Variants in NR1H2 observed in about 807,000 individuals in gnomAD.
NR1H2 encodes nuclear receptor subfamily 1 group H member 2.
NR1H2 carries 33 observed loss-of-function variants against 51.2 expected under a neutral mutation model. That is an observed-to-expected ratio of 0.64 (90% CI 0.49 to 0.86). The LOEUF (loss-of-function observed/expected upper bound fraction) is 0.86, where lower values mean the gene tolerates loss of function less well. Ranked by LOEUF, NR1H2 falls within the 40% of genes least tolerant of loss-of-function variation. NR1H2 has a pLI of 0.00. For synonymous variants in NR1H2, 310 were observed against 264.3 expected (o/e 1.17, Z -1.68); for missense variants, 592 against 639.9 (o/e 0.93, Z 0.81).
Position 50,378,800 on chromosome 19 carries a change from C to G in NR1H2, c.747+4C>G. The G allele has an allele frequency of 2.5e-6, 4 of 1,611,644 alleles. No homozygotes were observed. The South Asian group carries it at 4.4e-5, about 18-fold the overall frequency. On this transcript the variant is annotated splice_donor_region_variant and intron_variant, in intron 6 of 9. Coordinates refer to ENST00000253727, the MANE Select transcript of NR1H2 (RefSeq NM_007121.7). ...CTCCGACCAGCCCAAAGTCACGGTACTGCCCCCTCCACAACCTTGAGTGTG... is the reference window on the plus strand; with the variant it reads ...CTCCGACCAGCCCAAAGTCACGGTAGTGCCCCCTCCACAACCTTGAGTGTG...
Position 50,378,602 on chromosome 19 carries a change from G to A in NR1H2, c.553G>A (p.Val185Met), listed in dbSNP as rs1568594599. ...GTCACAGTCACAGTCGCAGTCACCT[G>A]TGGGGCCGCAGGGCAGCAGCAGCTC... ...QESQSQSQSP[V>M]GPQGSSSSAS... Residue 185 changes from valine (V) to methionine (M), a missense_variant, in exon 6 of 10, where the codon GTG becomes ATG. Transcript: ENST00000253727. 3 of 1,614,030 alleles carry A rather than the reference G, an allele frequency of 1.9e-6. No individual in the cohort carries two copies. Among genetic ancestry groups the A allele is most frequent in the South Asian group, 1.1e-5 (1 of 91,078 alleles).
Position 50,382,018 on chromosome 19 carries a change from G to T in NR1H2, c.1080G>T (p.Arg360=). 1 of 1,568,990 alleles carries T rather than the reference G, an allele frequency of 6.4e-7. No individual in the cohort carries two copies. Among genetic ancestry groups the T allele is most frequent in the East Asian group, 2.4e-5 (1 of 42,308 alleles). The part of the protein sequence containing the change: ...NPIFEFSRAM[R]RLGLDDAEYA... ...TCTTCGAGTTCTCGCGGGCCATGCG[G>T]CGGCTGGGCCTGGACGACGCTGAGT... The change falls in exon 9 of 10, where the codon CGG becomes CGT. Residue 360 remains arginine, a synonymous_variant. Transcript: ENST00000253727.
At chr19:50,380,151 G>A (rs1384993185) in intron 8 of NR1H2, among the ~76,000 whole-genome samples, 5 of 152,024 alleles carry the variant, frequency 3.3e-5, no homozygotes, top group Non-Finnish European at 5.9e-5. Flanking sequence ...AGAGAAGACC[G>A]TGTCTCTATT....
intron 1 of NR1H2, 64 bp downstream of exon 1, chr19:50,376,640 CCCGCGTACT>C (rs1172460010): frequency 6.6e-6 from 1 of 152,308 alleles, no homozygotes; most frequent in African/African-American, 2.4e-5. Flanking sequence ...CTCGGCGCTC[CCCGCGTACT>C]CCGCTCTGCC....
rs1235254536 is a variant in NR1H2, at chr19:50,378,554, A to G, written c.505A>G (p.Lys169Glu). Reference protein sequence around the residue: ...VLSEEQIRKKKIRKQQQESQS... With the variant: ...VLSEEQIRKKEIRKQQQESQS... The stretch of plus-strand genomic sequence containing the variant: ...TTCTGAAGAACAGATCCGGAAGAAG[A>G]AGATTCGGAAACAGCAGCAGGAGTC... The change falls in exon 6 of 10, where the codon AAG becomes GAG. Residue 169 changes from lysine to glutamate, a missense_variant. Lys to Glu is a moderately conservative substitution (Grantham distance 56). Coordinates refer to ENST00000253727, the MANE Select transcript of NR1H2 (RefSeq NM_007121.7). 4.0e-6 allele frequency: 6 copies of G among 1,515,096 alleles called. No individual in the cohort carries two copies. In the African/African-American group the frequency reaches 1.1e-4, roughly 29 times the overall value. 93.9% of individuals were successfully genotyped at this position (1,515,096 alleles called of 1,614,324 possible).
chr19:50,378,594 A>G lies in NR1H2; in HGVS notation c.545A>G (p.Gln182Arg). ...KQQQESQSQS[Q>R]SPVGPQGSSS... ...CAGCAGGAGTCACAGTCACAGTCGC[A>G]GTCACCTGTGGGGCCGCAGGGCAGC... Residue 182 changes from glutamine to arginine, a missense_variant, in exon 6 of 10, where the codon CAG becomes CGG. By Grantham distance (43) the Gln-to-Arg change is conservative (BLOSUM62 1). Coordinates refer to ENST00000253727, the MANE Select transcript of NR1H2 (RefSeq NM_007121.7). The G allele has an allele frequency of 2.5e-6, 4 of 1,613,992 alleles. No individual in the cohort carries two copies. Among genetic ancestry groups the G allele is most frequent in the Non-Finnish European group, 3.4e-6 (4 of 1,179,946 alleles).
chr19:50,382,090 C>A lies in NR1H2; in HGVS notation c.1152C>A (p.Asn384Lys). 4 of 1,549,384 alleles carry A rather than the reference C, an allele frequency of 2.6e-6. No homozygotes were observed. Among genetic ancestry groups the A allele is most frequent in the African/African-American group, 1.4e-5 (1 of 73,264 alleles). ...AINIFSADRPNVQEPGRVEAL... is the reference protein window; with the variant it reads ...AINIFSADRPKVQEPGRVEAL... The stretch of plus-strand genomic sequence containing the variant: ...ACATCTTCTCGGCCGACCGGCCCAA[C>A]GTGCAGGAGCCGGGCCGCGTGGAGG... Residue 384 changes from asparagine to lysine, a missense_variant, in exon 9 of 10, where the codon AAC (asparagine) becomes AAA (lysine). Around this residue, in one of 3 missense-constraint regions of NR1H2, gnomAD observed 174 missense variants for 174.0 expected, o/e 1.00. Coordinates refer to ENST00000253727, the MANE Select transcript of NR1H2 (RefSeq NM_007121.7).
intron 6 of NR1H2, 55 bp from the exon 7 acceptor site, chr19:50,378,947 A>T (rs56904024): frequency 1.3e-6 from 2 of 1,557,308 alleles, no homozygotes; most frequent in African/African-American, 2.7e-5. Flanking sequence ...CAAGGTGGCC[A>T]CCCAGACTTA....
At position 50,382,500 on chromosome 19, in the gene NR1H2, G is replaced by GCGCACGCTGAGCTCTGTGCACT; in HGVS notation, c.1284_1305dup (p.Glu436HisfsTer157). 6.2e-7 allele frequency: 1 copy of GCGCACGCTGAGCTCTGTGCACT among 1,610,930 alleles called. No individual in the cohort carries two copies. Among genetic ancestry groups the GCGCACGCTGAGCTCTGTGCACT allele is most frequent in the Non-Finnish European group, 8.5e-7 (1 of 1,179,374 alleles). On this transcript the variant is annotated frameshift_variant, in exon 10 of 10. Transcript: ENST00000253727. LOFTEE classifies it high-confidence loss of function. ...GCATGCTCATGAAGCTGGTGAGCCT[G>GCGCACGCTGAGCTCTGTGCACT]CGCACGCTGAGCTCTGTGCACTCGG...
Position 50,377,618 on chromosome 19 carries a change from A to G in NR1H2, c.13A>G (p.Thr5Ala). ...CCGTGACCCCACCATGTCCTCTCCTACCACGAGTTCCCTGGATACCCCCCT... is the reference window on the plus strand; with the variant it reads ...CCGTGACCCCACCATGTCCTCTCCTGCCACGAGTTCCCTGGATACCCCCCT... Reference protein sequence around the residue: MSSPTTSSLDTPLPG... With the variant: MSSPATSSLDTPLPG... The change falls in exon 3 of 10, where the codon ACC (threonine) becomes GCC (alanine). Residue 5 changes from threonine (T) to alanine (A), a missense_variant. Around this residue, in one of 3 missense-constraint regions of NR1H2, gnomAD observed 316 missense variants for 313.4 expected, o/e 1.01. Transcript: ENST00000253727. 6 of 1,613,744 alleles carry G rather than the reference A, an allele frequency of 3.7e-6. No individual in the cohort carries two copies. Among genetic ancestry groups the G allele is most frequent in the Non-Finnish European group, 5.1e-6 (6 of 1,179,808 alleles).
chr19:50,378,860 A>AT, intron 6 of NR1H2, 64 bp downstream of exon 6: 2 of 1,576,302 alleles, frequency 1.3e-6, no homozygotes, highest in African/African-American at 2.7e-5. Flanking sequence ...CTGGGCCATC[A>AT]CCCAGGGTGT....
chr19:50,380,699 G>C (rs2123654313), intron 8 of NR1H2, among the ~76,000 whole-genome samples: 1 of 152,314 alleles, frequency 6.6e-6, no homozygotes, highest in African/African-American at 2.4e-5. Context: ...GGCGATTGCA[G>C]AGGCCCTGAG....
rs751728890 is a variant in NR1H2 at position 50,379,049 on chromosome 19, A to T, written c.795A>T (p.Gln265His). The change falls in exon 7 of 10, where the codon CAA becomes CAT. Residue 265 changes from glutamine to histidine, a missense_variant. Gln to His is a conservative substitution (Grantham distance 24, BLOSUM62 0). This residue lies in a region of NR1H2 where 102 missense variants were observed against 152.4 expected (regional missense o/e 0.67). Transcript: ENST00000253727. ...ADPQSRDARQ[Q>H]RFAHFTELAI... ...CCCAGTCCCGAGATGCCCGCCAGCA[A>T]CGCTTTGCCCACTTCACGGAGCTGG... The T allele has an allele frequency of 4.3e-6, 7 of 1,613,652 alleles. No individual in the cohort carries two copies. The highest frequency in any genetic ancestry group is 5.9e-6 in the Non-Finnish European group (7 of 1,179,976).
Position 50,378,504 on chromosome 19 carries a change from G to T in NR1H2, c.473-18G>T, listed in dbSNP as rs373334411. On this transcript the variant is annotated intron_variant, in intron 5 of 9. Transcript: ENST00000253727. ...CGCCTAGCCCTGGGGTTCTGCTGAG[G>T]CCTGCATCCCCCTACAGGCGTCCTT... is the stretch of plus-strand genomic sequence containing the variant. 1 of 1,595,018 alleles carries T rather than the reference G, an allele frequency of 6.3e-7. No homozygotes were observed. Among genetic ancestry groups the T allele is most frequent in the Non-Finnish European group, 8.6e-7 (1 of 1,168,378 alleles).
rs534233546 is a variant in NR1H2 at position 50,382,192 on chromosome 19, C to T, written c.1236+18C>T. 9 of 1,512,214 alleles carry T rather than the reference C, an allele frequency of 6.0e-6. No homozygotes were observed. The South Asian group carries it at 9.8e-5, about 17-fold the overall frequency. The allele number at this position is 1,512,214 out of a possible 1,614,324, so 93.7% of individuals were successfully genotyped here. A position where few individuals can be genotyped will look rare whatever the true frequency, so the allele number is the denominator to read the frequency against. ...GGCCGCAGGTAGGGCCCCGCAGAGC[C>T]TCTGCGCAGAGCCAACTACGTCCCG... On this transcript the variant is annotated intron_variant, in intron 9 of 9. Transcript: ENST00000253727.
At chr19:50,381,427 C>T (rs961314288) in intron 8 of NR1H2, among the ~76,000 whole-genome samples, 2 of 152,260 alleles carry the variant, frequency 1.3e-5, no homozygotes, top group African/African-American at 2.4e-5. Flanking sequence ...ATTGAACTCA[C>T]AGCCCTCTGA....
chr19:50,378,192 G>C lies in NR1H2; in HGVS notation c.225G>C (p.Lys75Asn). The C allele has an allele frequency of 6.2e-7, 1 of 1,612,808 alleles. No individual in the cohort carries two copies. Among genetic ancestry groups the C allele is most frequent in the Non-Finnish European group, 8.5e-7 (1 of 1,179,440 alleles). Residue 75 changes from lysine (K) to asparagine (N), a missense_variant, in exon 5 of 10, where the codon AAG becomes AAC. Physicochemically the swap from Lys to Asn is moderately conservative, Grantham distance 94 (BLOSUM62 0). Transcript: ENST00000253727. ...PEEEPERKRK[K>N]GPAPKMLGHE... ...AGGAACCAGAGCGCAAGCGAAAGAAGGGCCCAGCCCCGAAGATGCTGGGCC... is the reference window on the plus strand; with the variant it reads ...AGGAACCAGAGCGCAAGCGAAAGAACGGCCCAGCCCCGAAGATGCTGGGCC...
Position 50,379,089 on chromosome 19 carries a change from C to G in NR1H2, c.835C>G (p.Gln279Glu). 1 of 1,614,078 alleles carries G rather than the reference C, an allele frequency of 6.2e-7. No homozygotes were observed. Among genetic ancestry groups the G allele is most frequent in the Non-Finnish European group, 8.5e-7 (1 of 1,180,030 alleles). ...CACGGAGCTGGCCATCATCTCAGTC[C>G]AGGAGATCGTGGACTTCGCTAAGCA... ...HFTELAIISVQEIVDFAKQVP... is the reference protein window; with the variant it reads ...HFTELAIISVEEIVDFAKQVP... The change falls in exon 7 of 10, where the codon CAG (glutamine) becomes GAG (glutamate). Residue 279 changes from glutamine (Q) to glutamate (E), a missense_variant. By Grantham distance (29) the Gln-to-Glu change is conservative (BLOSUM62 2). Coordinates refer to ENST00000253727, the MANE Select transcript of NR1H2 (RefSeq NM_007121.7).
chr19:50,382,806 C>T lies in NR1H2; in HGVS notation c.*204C>T, dbSNP rs1471575392. 7.7e-6 allele frequency: 4 copies of T among 518,836 alleles called. No individual in the cohort carries two copies. The highest frequency in any genetic ancestry group is 5.9e-5 in the African/African-American group (3 of 50,504). 32.1% of individuals were successfully genotyped at this position (518,836 alleles called of 1,614,324 possible). On this transcript the variant is annotated 3_prime_UTR_variant, in exon 10 of 10. Coordinates refer to ENST00000253727, the MANE Select transcript of NR1H2 (RefSeq NM_007121.7). ...TCTTCCAGAAGGGGTGAAAGGGTTG[C>T]AGGTCCCGACCACTGACCCTTCCCG...
Sources: allele counts gnomAD v4.1 joint callset (sites outside exome capture counted in the v4.1 genomes callset), GRCh38; gene constraint gnomAD v4.1.1; regional missense constraint gnomAD v4.1.1; transcripts MANE v1.5; gene names NCBI Gene and HGNC (gene_info 2026-07-23, HGNC 2026-07-21).